Variants in CFAP45 observed in about 807,000 individuals in gnomAD.
The protein encoded by CFAP45 is cilia- and flagella-associated protein 45.
In CFAP45, 43 loss-of-function variants were observed where a neutral mutation model predicts 75.6. The ratio of observed to expected loss-of-function variants is 0.57; its 90% CI spans 0.45 to 0.73. The LOEUF is 0.73. CFAP45 is among the 30% of genes least tolerant of loss of function. CFAP45 has a pLI of 0.00. For synonymous variants in CFAP45, 223 were observed against 244.6 expected, an observed-to-expected ratio of 0.91 and a Z score of 0.82; for missense variants, 689 against 701.5, an observed-to-expected ratio of 0.98 and a Z score of 0.20.
At chr1:159,899,506 C>T (rs1327451848) in intron 1 of CFAP45, among the ~76,000 whole-genome samples, 1 of 138,804 alleles carries the variant, frequency 7.2e-6, no homozygotes, top group African/African-American at 2.7e-5. Context: ...CTCGCTGTGT[C>T]GCCCAGGCTG....
At chr1:159,879,708 G>C (rs540858136) in intron 8 of CFAP45, among the ~76,000 whole-genome samples, 1 of 152,068 alleles carries the variant, frequency 6.6e-6, no homozygotes, top group Non-Finnish European at 1.5e-5. Flanking sequence ...GAACATATAG[G>C]TGTACCAAAT....
chr1:159,885,765 A>G lies in CFAP45; in HGVS notation c.767+746T>C, dbSNP rs149999895. Among the ~76,000 whole-genome samples, 1,028 of 152,340 alleles carry G rather than the reference A, an allele frequency of 6.7e-3. 17 individuals carry two copies. Among genetic ancestry groups the G allele is most frequent in the African/African-American group, 0.024 (984 of 41,576 alleles). On this transcript the variant is annotated intron_variant, in intron 6 of 11. Transcript: ENST00000368099. ...GAGTGGGATGCTGGAGCATAAACAC[A>G]GAGTGATGGGCACAGAGAAGGGAGC...
At chr1:159,878,858 G>A (rs1649478599) in intron 8 of CFAP45, among the ~76,000 whole-genome samples, 1 of 148,116 alleles carries the variant, frequency 6.8e-6, no homozygotes, top group Admixed American at 6.9e-5. Flanking sequence ...GTACGGGGCT[G>A]TTGTCAAGCT....
intron 5 of CFAP45, 45 bp downstream of exon 5, chr1:159,887,796 G>A: frequency 6.4e-7 from 1 of 1,571,940 alleles, no homozygotes; most frequent in Non-Finnish European, 8.7e-7. Flanking sequence ...AGGGCGGAGG[G>A]ATGGCAGTGA....
chr1:159,893,624 G>A (rs1649880079), intron 1 of CFAP45, among the ~76,000 whole-genome samples: 1 of 152,126 alleles, frequency 6.6e-6, no homozygotes, highest in Admixed American at 6.6e-5. Flanking sequence ...GAGGGGCATG[G>A]GGAGAGGTTG....
chr1:159,890,670 T>C, intron 2 of CFAP45, 48 bp from the exon 3 acceptor site: 1 of 1,592,324 alleles, frequency 6.3e-7, no homozygotes, highest in Non-Finnish European at 8.6e-7. Context: ...CCCCACTTCC[T>C]GCTGGTCAGT....
chr1:159,877,313 G>T, intron 9 of CFAP45, 36 bp downstream of exon 9: 1 of 1,415,882 alleles, frequency 7.1e-7, no homozygotes, highest in Non-Finnish European at 1.0e-6. Flanking sequence ...GCAAGGGAGT[G>T]GGAAAAGTAG....
intron 7 of CFAP45, among the ~76,000 whole-genome samples, chr1:159,883,123 CA>C (rs1177673345): frequency 6.6e-6 from 1 of 152,204 alleles, no homozygotes; most frequent in Admixed American, 6.5e-5. Flanking sequence ...GACAACTTGA[CA>C]ATTCATAAAC....
chr1:159,897,827 C>T (rs939418492), intron 1 of CFAP45, among the ~76,000 whole-genome samples: 18 of 151,266 alleles, frequency 1.2e-4, no homozygotes, highest in African/African-American at 4.4e-4. Flanking sequence ...GGGCCTGGTG[C>T]CCGAACTCTG....
chr1:159,893,849 T>C lies in CFAP45; in HGVS notation c.4-544A>G, dbSNP rs192742058. On this transcript the variant is annotated intron_variant, in intron 1 of 11. Coordinates refer to ENST00000368099, the MANE Select transcript of CFAP45 (RefSeq NM_012337.3). ...GCAATAGAATGACTAGAGTTAACAA[T>C]AATGTATATTACTATATATAAATGT... 6.7e-3 allele frequency among the ~76,000 whole-genome samples: 1,020 copies of C among 151,642 alleles called. 16 individuals carry two copies. The highest frequency in any genetic ancestry group is 0.024 in the African/African-American group (976 of 41,388).
chr1:159,886,264 C>G (rs552071398), intron 6 of CFAP45, among the ~76,000 whole-genome samples: 18 of 151,866 alleles, frequency 1.2e-4, no homozygotes, highest in Admixed American at 3.9e-4. Flanking sequence ...CGCTTGAACC[C>G]GGGAGGTGGA....
intron 10 of CFAP45, chr1:159,876,345 C>T (rs1649401407): frequency 1.7e-6 from 1 of 591,224 alleles, no homozygotes; most frequent in African/African-American, 1.9e-5. Flanking sequence ...TAAGCAATTC[C>T]AGGTGCTATC....
At chr1:159,872,881 C>A (rs1288031291) in intron 11 of CFAP45, 63 bp downstream of exon 11, 2 of 1,501,440 alleles carry the variant, frequency 1.3e-6, no homozygotes, top group Non-Finnish European at 1.8e-6. Flanking sequence ...TGCTTTCCAG[C>A]CTGTGGTGCC....
chr1:159,877,639 G>A (rs976539418), intron 8 of CFAP45, among the ~76,000 whole-genome samples, 177 bp from the exon 9 acceptor site: 1 of 152,154 alleles, frequency 6.6e-6, no homozygotes, highest in Non-Finnish European at 1.5e-5. Flanking sequence ...CACTTTGGGA[G>A]GTTGAGGCAG....
At chr1:159,877,528 CCCTACAACAGACTTT>C (rs769435595) in intron 8 of CFAP45, 66 bp from the exon 9 acceptor site, 281 of 1,101,370 alleles carry the variant, frequency 2.6e-4, no homozygotes, top group Non-Finnish European at 3.7e-4. Flanking sequence ...GAAACAAAAC[CCCTACAACAGACTTT>C]CCAATATCTC....
chr1:159,873,516 G>T (rs1446230296), intron 10 of CFAP45: 2 of 284,676 alleles, frequency 7.0e-6, no homozygotes, highest in South Asian at 4.4e-5. Context: ...TGTCACCCAG[G>T]CTGGAATGCA....
Position 159,890,425 on chromosome 1 carries a change from TC to T in CFAP45, c.272+54del, listed in dbSNP as rs1433708904. On this transcript the variant is annotated intron_variant, in intron 3 of 11. Transcript: ENST00000368099. ...GGGTTTACCCATCTCCCTACAAAGA[TC>T]CTTAGCAAAAGGATGAGGACTGGAC... is the stretch of plus-strand genomic sequence containing the variant. 3 of 1,582,890 alleles carry T rather than the reference TC, an allele frequency of 1.9e-6. No individual in the cohort carries two copies. In the African/African-American group the frequency reaches 4.0e-5, roughly 21 times the overall value.
rs750022611 is a variant in CFAP45, at chr1:159,893,323, A to C, written c.4-18T>G. On this transcript the variant is annotated intron_variant, in intron 1 of 11. Coordinates refer to ENST00000368099, the MANE Select transcript of CFAP45 (RefSeq NM_012337.3). ...CTTAGTGGCTGCAGGAAGAGGCAGA[A>C]AGTTTGGGTCATCAGTACTGAGTGG... is the stretch of plus-strand genomic sequence containing the variant. 2 of 1,611,662 alleles carry C rather than the reference A, an allele frequency of 1.2e-6. No individual in the cohort carries two copies. Among genetic ancestry groups the C allele is most frequent in the African/African-American group, 2.7e-5 (2 of 74,864 alleles).
At chr1:159,897,208 G>A (rs111777928) in intron 1 of CFAP45, among the ~76,000 whole-genome samples, 18,926 of 152,138 alleles carry the variant, frequency 0.12, 1,580 homozygotes, top group African/African-American at 0.24. Flanking sequence ...AGGTTGCAGT[G>A]AGCCAAGGTT....
Sources: gnomAD v4.1 joint callset for allele counts (sites outside exome capture counted in the v4.1 genomes callset) on GRCh38, gnomAD v4.1.1 for gene constraint, MANE v1.5 for transcripts, NCBI Gene and HGNC (gene_info 2026-07-23, HGNC 2026-07-21) for gene names.